The following CDH8 variants were observed in gnomAD, a reference collection of about 807,000 sequenced individuals.
CDH8 encodes cadherin 8.
CDH8 carries 17 observed loss-of-function variants against 68.1 expected under a neutral mutation model. The observed-to-expected ratio is 0.25, with a 90% CI of 0.17 to 0.37. The LOEUF (loss-of-function observed/expected upper bound fraction) is 0.37, where lower values mean the gene tolerates loss of function less well. Among genes scored for constraint, CDH8 ranks in the 10% least tolerant of loss-of-function variants. The probability of loss-of-function intolerance (pLI) is 1.00; values close to 1 mark genes in which losing one functional copy is unlikely to be tolerated. For synonymous variants in CDH8, 372 were observed against 365.1 expected, an observed-to-expected ratio of 1.02 and a Z score of -0.21; for missense variants, 763 against 999.3, an observed-to-expected ratio of 0.76 and a Z score of 3.19.
chr16:61,732,689 G>A (rs1006754239), intron 8 of CDH8, among the ~76,000 whole-genome samples: 1 of 151,700 alleles, frequency 6.6e-6, no homozygotes, highest in East Asian at 1.9e-4. Flanking sequence ...AAAAAATAAA[G>A]AGAAAGGAAA....
intron 10 of CDH8, among the ~76,000 whole-genome samples, chr16:61,683,453 C>T (rs1418216819): frequency 1.3e-5 from 2 of 150,916 alleles, no homozygotes; most frequent in Non-Finnish European, 3.0e-5. Flanking sequence ...TAATACAGTG[C>T]CATACTTGTA....
intron 2 of CDH8, among the ~76,000 whole-genome samples, chr16:62,014,728 C>T (rs937128881): frequency 1.3e-5 from 2 of 151,902 alleles, no homozygotes; most frequent in African/African-American, 2.4e-5. Flanking sequence ...GAGTCAGTGC[C>T]TTGGAGGAAG....
chr16:61,997,045 CT>C (rs1309362863), intron 2 of CDH8, among the ~76,000 whole-genome samples: 3 of 151,500 alleles, frequency 2.0e-5, no homozygotes, highest in African/African-American at 7.3e-5. Flanking sequence ...AAGTATAATC[CT>C]TTTCTGAGGA....
At chr16:61,809,178 C>T (rs922337778) in intron 7 of CDH8, among the ~76,000 whole-genome samples, 1 of 150,680 alleles carries the variant, frequency 6.6e-6, no homozygotes, top group African/African-American at 2.4e-5. Context: ...AAGAGCAAAA[C>T]TCCATCTCAA....
intron 3 of CDH8, among the ~76,000 whole-genome samples, chr16:61,880,318 T>G (rs1963548738): frequency 1.3e-5 from 2 of 152,166 alleles, no homozygotes; most frequent in Non-Finnish European, 2.9e-5. Flanking sequence ...CAACGTCAGT[T>G]GCATATGTGG....
intron 8 of CDH8, among the ~76,000 whole-genome samples, chr16:61,779,610 T>C (rs1596959949): frequency 1.3e-5 from 2 of 152,276 alleles, no homozygotes; most frequent in East Asian, 3.9e-4. Flanking sequence ...GCAATTCTAA[T>C]CAATGGTCTG....
At position 61,650,718 on chromosome 16, in the gene CDH8, A is replaced by T. The variant is rs1963304915; in HGVS notation, c.*2890T>A. On this transcript the variant is annotated 3_prime_UTR_variant, in exon 12 of 12. Coordinates refer to ENST00000577390, the MANE Select transcript of CDH8 (RefSeq NM_001796.5). ...GTGTGTGTGTGTGTGAGAGAGAGAG[A>T]GAGAGAGAGAGAGAAAGAGAGAAAG... is the stretch of plus-strand genomic sequence containing the variant. The T allele has an allele frequency of 6.6e-6, 1 of 150,826 alleles. No individual in the cohort carries two copies. The highest frequency in any genetic ancestry group is 1.5e-5 in the Non-Finnish European group (1 of 67,744). 9.3% of individuals were successfully genotyped at this position (150,826 alleles called of 1,614,324 possible).
In CDH8 at chr16:61,901,438, G is replaced by A; in HGVS notation, c.288C>T (p.Ile96=). ...HTDLDPGSKK[I]KYILSGDGAG... is the part of the protein sequence containing the mutation. Reference sequence around the variant, plus strand: ...CTCCATCACCTGATAGGATATACTTGATTTTTTTGCTCCCAGGATCCAGGT... The same window carrying A: ...CTCCATCACCTGATAGGATATACTTAATTTTTTTGCTCCCAGGATCCAGGT... Residue 96 remains isoleucine, a synonymous_variant, in exon 3 of 12, where the codon ATC becomes ATT. Coordinates refer to ENST00000577390, the MANE Select transcript of CDH8 (RefSeq NM_001796.5). The A allele has an allele frequency of 6.2e-7, 1 of 1,613,574 alleles. No individual in the cohort carries two copies.
rs1017527826 is a variant in CDH8, at chr16:61,830,324, TAAG to T, written c.668-5148_668-5146del. ...AATTAGGGAAGACTGTTTTCAAATT[TAAG>T]AAGGATTTAAATTCTCAGATTTGAG... On this transcript the variant is annotated intron_variant, in intron 4 of 11. Coordinates refer to ENST00000577390, the MANE Select transcript of CDH8 (RefSeq NM_001796.5). Among the ~76,000 whole-genome samples, 5 of 151,776 alleles carry T rather than the reference TAAG, an allele frequency of 3.3e-5. 1 individual carries two copies. The highest frequency in any genetic ancestry group is 1.3e-4 in the Admixed American group (2 of 15,208).
intron 4 of CDH8, among the ~76,000 whole-genome samples, chr16:61,846,279 T>C (rs892878070): frequency 6.6e-6 from 1 of 152,124 alleles, no homozygotes; most frequent in African/African-American, 2.4e-5. Flanking sequence ...GTTTCCTTTA[T>C]GACACTTTGG....
chr16:61,781,934 T>C (rs1390393909), intron 8 of CDH8, among the ~76,000 whole-genome samples: 2 of 152,034 alleles, frequency 1.3e-5, no homozygotes, highest in Non-Finnish European at 2.9e-5. Flanking sequence ...GGGAAGAAAA[T>C]AGTACTCCTA....
intron 2 of CDH8, among the ~76,000 whole-genome samples, chr16:61,949,247 A>T (rs1269482105): frequency 6.6e-6 from 1 of 152,098 alleles, no homozygotes; most frequent in Non-Finnish European, 1.5e-5. Context: ...TCCTGGGTGG[A>T]GTGGGGACTT....
chr16:61,812,841 C>A (rs151058614), intron 7 of CDH8, among the ~76,000 whole-genome samples: 243 of 152,198 alleles, frequency 1.6e-3, no homozygotes, highest in Middle Eastern at 3.4e-3. Context: ...TTTAACCTCT[C>A]GTCCTGCGTT....
intron 2 of CDH8, among the ~76,000 whole-genome samples, chr16:61,974,595 A>G (rs1965403539): frequency 6.6e-6 from 1 of 152,190 alleles, no homozygotes; most frequent in South Asian, 2.1e-4. Context: ...GAAATTGTAG[A>G]TATCCTTAGA....
intron 8 of CDH8, among the ~76,000 whole-genome samples, chr16:61,740,771 A>G (rs1959849855): frequency 6.6e-6 from 1 of 152,086 alleles, no homozygotes; most frequent in Admixed American, 6.6e-5. Context: ...ATATACCACA[A>G]TTATTTATCT....
At chr16:61,713,042 A>C (rs1038817082) in intron 10 of CDH8, among the ~76,000 whole-genome samples, 1 of 151,788 alleles carries the variant, frequency 6.6e-6, no homozygotes, top group East Asian at 1.9e-4. Flanking sequence ...AGCCTGAGAC[A>C]TTGCTTATAT....
intron 3 of CDH8, among the ~76,000 whole-genome samples, chr16:61,896,263 G>A (rs964918263): frequency 3.3e-5 from 5 of 152,182 alleles, no homozygotes; most frequent in Admixed American, 3.3e-4. Context: ...TTCCAAATAA[G>A]ATATTTCTAA....
chr16:61,739,457 T>C lies in CDH8; in HGVS notation c.1415-12242A>G, dbSNP rs115064232. Among the ~76,000 whole-genome samples, 1,487 of 152,130 alleles carry C rather than the reference T, an allele frequency of 9.8e-3. 24 individuals carry two copies. The highest frequency in any genetic ancestry group is 0.032 in the African/African-American group (1,332 of 41,516). On this transcript the variant is annotated intron_variant, in intron 8 of 11. Coordinates refer to ENST00000577390, the MANE Select transcript of CDH8 (RefSeq NM_001796.5). ...TATACCTCACTCTCTCTTTGAAGTT[T>C]GTCAGATCAAAATGAAGATTTTTTT...
chr16:61,787,698 C>G (rs1282906722), intron 8 of CDH8, among the ~76,000 whole-genome samples: 1 of 148,094 alleles, frequency 6.8e-6, no homozygotes, highest in Non-Finnish European at 1.5e-5. Context: ...ACCCAAATGT[C>G]CAACAATGAT....
Sources: allele counts gnomAD v4.1 joint callset (sites outside exome capture counted in the v4.1 genomes callset), GRCh38; gene constraint gnomAD v4.1.1; transcripts MANE v1.5; gene names NCBI Gene and HGNC (gene_info 2026-07-23, HGNC 2026-07-21).